Variants in TAFA1 observed in about 807,000 individuals in gnomAD.
The protein encoded by TAFA1 is TAFA chemokine like family member 1, also known as chemokine-like protein TAFA-1.
TAFA1 carries 4 observed loss-of-function variants against 18.5 expected under a neutral mutation model. The ratio of observed to expected loss-of-function variants is 0.22; its 90% CI spans 0.11 to 0.49. TAFA1 has a LOEUF of 0.49. TAFA1 is among the 20% of genes least tolerant of loss of function. The pLI, the probability that TAFA1 is intolerant of heterozygous loss-of-function variation, is 0.98. For synonymous variants in TAFA1, 56 were observed against 55.2 expected (o/e 1.01, Z -0.06); for missense variants, 147 against 169.0 (o/e 0.87, Z 0.72).
intron 2 of TAFA1, among the ~76,000 whole-genome samples, chr3:68,134,233 T>A (rs2065579727): frequency 6.6e-6 from 1 of 152,100 alleles, no homozygotes; most frequent in African/African-American, 2.4e-5. Flanking sequence ...GTGAATGGAT[T>A]CAATGTTCTG....
At chr3:68,520,619 A>G (rs1559703407) in intron 3 of TAFA1, among the ~76,000 whole-genome samples, 1 of 152,212 alleles carries the variant, frequency 6.6e-6, no homozygotes. Flanking sequence ...AGAAAACCCA[A>G]CATTACCACT....
At chr3:68,498,289 T>C (rs532999249) in intron 3 of TAFA1, among the ~76,000 whole-genome samples, 2 of 152,326 alleles carry the variant, frequency 1.3e-5, no homozygotes, top group African/African-American at 2.4e-5. Flanking sequence ...TATTATATTA[T>C]TTTGTAATCA....
chr3:68,262,307 GTATATATATATATA>G lies in TAFA1; in HGVS notation c.119-154935_119-154922del, dbSNP rs763753757. Among the ~76,000 whole-genome samples the G allele has an allele frequency of 9.0e-3, 291 of 32,192 alleles. 4 individuals are homozygous for G. The highest frequency in any genetic ancestry group is 0.09 in the East Asian group (63 of 698). 21.1% of individuals were successfully genotyped at this position (32,192 alleles called of 152,430 possible). A position where few individuals can be genotyped will look rare whatever the true frequency, so the allele number is the denominator to read the frequency against. ...TCAGCTTTTATTTTAGATATGGAGG[GTATATATATATATA>G]TATATATATATATATATATATATAT... On this transcript the variant is annotated intron_variant, in intron 2 of 4. Transcript: ENST00000478136.
chr3:68,241,949 T>TA (rs2107137777), intron 2 of TAFA1, among the ~76,000 whole-genome samples: 1 of 152,304 alleles, frequency 6.6e-6, no homozygotes, highest in South Asian at 2.1e-4. Context: ...TAGTGCCACA[T>TA]AAAAATTTAA....
chr3:68,284,384 A>G (rs1248568498), intron 2 of TAFA1, among the ~76,000 whole-genome samples: 2 of 152,180 alleles, frequency 1.3e-5, no homozygotes, highest in Non-Finnish European at 2.9e-5. Context: ...ACTCTTGTAC[A>G]TTTTTGGAGA....
At position 68,506,474 on chromosome 3, in the gene TAFA1, C is replaced by T. The variant is rs375628974; in HGVS notation, c.260-32282C>T. 2.2e-5 allele frequency among the ~76,000 whole-genome samples: 3 copies of T among 139,334 alleles called. No individual in the cohort carries two copies. The South Asian group carries it at 6.6e-4, about 31-fold the overall frequency. The allele number at this position is 139,334 out of a possible 152,430, so 91.4% of individuals were successfully genotyped here. ...TGTGTTCAACACACACACACAGAGACACACACACACACACAGAGCAAATAT... is the reference window on the plus strand; with the variant it reads ...TGTGTTCAACACACACACACAGAGATACACACACACACACAGAGCAAATAT... On this transcript the variant is annotated intron_variant, in intron 3 of 4. Coordinates refer to ENST00000478136, the MANE Select transcript of TAFA1 (RefSeq NM_213609.4).
intron 3 of TAFA1, among the ~76,000 whole-genome samples, chr3:68,528,772 A>G (rs964833547): frequency 1.9e-4 from 29 of 152,204 alleles, no homozygotes; most frequent in African/African-American, 6.8e-4. Context: ...TCAAACTCTC[A>G]TAAGTCATAG....
intron 3 of TAFA1, among the ~76,000 whole-genome samples, chr3:68,418,379 A>T (rs1013634418): frequency 1.3e-5 from 2 of 151,684 alleles, no homozygotes; most frequent in African/African-American, 4.9e-5. Context: ...TTGAGCCAGG[A>T]TGAGCCAGGA....
chr3:68,224,320 A>C (rs1408535566), intron 2 of TAFA1, among the ~76,000 whole-genome samples: 1 of 152,078 alleles, frequency 6.6e-6, no homozygotes, highest in Non-Finnish European at 1.5e-5. Flanking sequence ...CTGCTGATTT[A>C]GCTTTTCTTC....
At chr3:67,995,655 G>A in the TAFA1 span, among the ~76,000 whole-genome samples, 2 of 152,134 alleles carry the variant, frequency 1.3e-5, no homozygotes, top group African/African-American at 4.8e-5. Flanking sequence ...TAGGGAAGGC[G>A]TACTGTCAAT....
chr3:68,351,615 C>A (rs2069272481), intron 2 of TAFA1, among the ~76,000 whole-genome samples: 1 of 151,940 alleles, frequency 6.6e-6, no homozygotes, highest in Non-Finnish European at 1.5e-5. Context: ...CAAAAAGGAA[C>A]TATACATTTT....
chr3:68,139,396 A>G (rs1394640812), intron 2 of TAFA1, among the ~76,000 whole-genome samples: 2 of 152,150 alleles, frequency 1.3e-5, no homozygotes. Context: ...TACTGTAAGC[A>G]TTGCTTTTCT....
At chr3:68,518,327 A>G (rs925744873) in intron 3 of TAFA1, among the ~76,000 whole-genome samples, 2 of 152,160 alleles carry the variant, frequency 1.3e-5, no homozygotes, top group African/African-American at 4.8e-5. Flanking sequence ...TCCACAGCCA[A>G]TTCTCCCTAA....
intron 2 of TAFA1, among the ~76,000 whole-genome samples, chr3:68,400,211 C>G (rs1485321183): frequency 6.6e-6 from 1 of 152,112 alleles, no homozygotes; most frequent in Admixed American, 6.6e-5. Context: ...CAAAGGAAAC[C>G]AGGTGTGCTG....
At chr3:68,470,107 A>C (rs1224106205) in intron 3 of TAFA1, among the ~76,000 whole-genome samples, 1 of 152,184 alleles carries the variant, frequency 6.6e-6, no homozygotes, top group East Asian at 1.9e-4. Context: ...ATGGTAGTGA[A>C]TAAGTCTCAC....
intron 3 of TAFA1, among the ~76,000 whole-genome samples, chr3:68,518,124 C>G (rs537054746): frequency 6.6e-6 from 1 of 152,290 alleles, no homozygotes; most frequent in Admixed American, 6.5e-5. Context: ...TGCAGACATC[C>G]CTTTTTCAAC....
chr3:68,365,409 G>A (rs755274545), intron 2 of TAFA1, among the ~76,000 whole-genome samples: 1 of 152,160 alleles, frequency 6.6e-6, no homozygotes, highest in Non-Finnish European at 1.5e-5. Context: ...AAGGACCACA[G>A]CTAAAGATAT....
intron 2 of TAFA1, among the ~76,000 whole-genome samples, chr3:68,027,771 A>G (rs1179330061): frequency 6.6e-6 from 1 of 152,212 alleles, no homozygotes; most frequent in African/African-American, 2.4e-5. Context: ...CATTTCTGTC[A>G]TCTAATATAT....
intron 2 of TAFA1, among the ~76,000 whole-genome samples, chr3:68,228,986 A>G (rs962336045): frequency 2.0e-5 from 3 of 152,218 alleles, no homozygotes; most frequent in African/African-American, 7.2e-5. Flanking sequence ...ATTCTGCCCA[A>G]GATGGTTTTC....
Sources: allele counts gnomAD v4.1 joint callset (sites outside exome capture counted in the v4.1 genomes callset), GRCh38; gene constraint gnomAD v4.1.1; transcripts MANE v1.5; gene names NCBI Gene and HGNC (gene_info 2026-07-23, HGNC 2026-07-21).